The following SLC2A4 variants were observed in gnomAD, a reference collection of about 807,000 sequenced individuals.
SLC2A4 encodes solute carrier family 2 member 4, also known as solute carrier family 2, facilitated glucose transporter member 4.
A neutral mutation model predicts 53.3 loss-of-function variants in SLC2A4; 31 were observed. The observed-to-expected ratio is 0.58, with a 90% CI of 0.44 to 0.78. The LOEUF (loss-of-function observed/expected upper bound fraction) is 0.78, where lower values mean the gene tolerates loss of function less well. Among genes scored for constraint, SLC2A4 ranks in the 30% least tolerant of loss-of-function variants. The probability of loss-of-function intolerance (pLI) is 0.00; values close to 1 mark genes in which losing one functional copy is unlikely to be tolerated. For missense variants in SLC2A4, 538 were observed against 655.7 expected (o/e 0.82, Z 1.96); for synonymous variants, 276 against 281.9 (o/e 0.98, Z 0.21).
intron 10 of SLC2A4, 151 bp from the exon 11 acceptor site, chr17:7,286,275 A>G: frequency 2.6e-6 from 2 of 766,848 alleles, no homozygotes; most frequent in Non-Finnish European, 4.7e-6. Flanking sequence ...GTAAATTCTC[A>G]TTCCTGCTCA....
At position 7,286,650 on chromosome 17, in the gene SLC2A4, G is replaced by A. The variant is rs879234074; in HGVS notation, c.*21G>A. ...ACTGAGGGGCCAGGCAGGGGTGGGA[G>A]AGCCAGCTCTCTCTACCCGGCCCAG... is the stretch of plus-strand genomic sequence containing the variant. On this transcript the variant is annotated 3_prime_UTR_variant, in exon 11 of 11. Transcript: ENST00000317370. 2 of 1,605,952 alleles carry A rather than the reference G, an allele frequency of 1.2e-6. No homozygotes were observed. The highest frequency in any genetic ancestry group is 2.7e-5 in the African/African-American group (2 of 74,790).
At position 7,286,814 on chromosome 17, in the gene SLC2A4, C is replaced by T. The variant is rs2072454494; in HGVS notation, c.*185C>T. 3.2e-6 allele frequency: 2 copies of T among 628,636 alleles called. No homozygotes were observed. Among genetic ancestry groups the T allele is most frequent in the Admixed American group, 5.2e-5 (2 of 38,478 alleles). The allele number at this position is 628,636 out of a possible 1,614,324, so 38.9% of individuals were successfully genotyped here. A position where few individuals can be genotyped will look rare whatever the true frequency, so the allele number is the denominator to read the frequency against. ...GCACCCCCTCATTCCCCTCGTGTGA[C>T]TCTCTTGGATTATTTATGTGTTGTG... is the stretch of plus-strand genomic sequence containing the variant. On this transcript the variant is annotated 3_prime_UTR_variant, in exon 11 of 11. Transcript: ENST00000317370.
At position 7,281,978 on chromosome 17, in the gene SLC2A4, T is replaced by C. The variant is rs2072405882; in HGVS notation, c.33+11T>C. On this transcript the variant is annotated intron_variant, in intron 1 of 10. Transcript: ENST00000317370. ...CAGATAGGCTCCGAAGTAGGATTCA[T>C]CATGAGGGGGCGGGGCGGGGGGGCA... 5.6e-6 allele frequency: 5 copies of C among 900,214 alleles called. No individual in the cohort carries two copies. The highest frequency in any genetic ancestry group is 1.8e-5 in the Admixed American group (1 of 54,552). The allele number at this position is 900,214 out of a possible 1,614,324, so 55.8% of individuals were successfully genotyped here.
At position 7,285,891 on chromosome 17, in the gene SLC2A4, G is replaced by A; in HGVS notation, c.1309G>A (p.Gly437Ser). Reference protein sequence around the residue: ...NWTSNFIIGMGFQYVAEAMGP... With the variant: ...NWTSNFIIGMSFQYVAEAMGP... The stretch of plus-strand genomic sequence containing the variant: ...GACGAGCAACTTCATCATTGGCATG[G>A]GTTTCCAGTATGTTGCGGTAGGTCC... Residue 437 changes from glycine to serine, a missense_variant, in exon 10 of 11, where the codon GGT becomes AGT. Gly to Ser is a moderately conservative substitution (Grantham distance 56). Coordinates refer to ENST00000317370, the MANE Select transcript of SLC2A4 (RefSeq NM_001042.3). The surrounding 1 kb of genome is among the most constrained non-coding windows in gnomAD (Gnocchi z 6.0). 1 of 1,613,716 alleles carries A rather than the reference G, an allele frequency of 6.2e-7. No homozygotes were observed. The highest frequency in any genetic ancestry group is 8.5e-7 in the Non-Finnish European group (1 of 1,179,656).
chr17:7,281,886 G>C lies in SLC2A4; in HGVS notation c.-49G>C. On this transcript the variant is annotated 5_prime_UTR_variant, in exon 1 of 11. Transcript: ENST00000317370. ...GGCCGGAGTCAGAGACTCCAGGATCGGTTCTTTCATCTTCGCCGCCCCTGC... is the reference window on the plus strand; with the variant it reads ...GGCCGGAGTCAGAGACTCCAGGATCCGTTCTTTCATCTTCGCCGCCCCTGC... The C allele has an allele frequency of 1.3e-6, 2 of 1,574,090 alleles. No homozygotes were observed. Among genetic ancestry groups the C allele is most frequent in the South Asian group, 2.3e-5 (2 of 86,296 alleles).
chr17:7,281,815 C>A lies in SLC2A4; in HGVS notation c.-120C>A. 1.9e-6 allele frequency: 2 copies of A among 1,048,164 alleles called. No individual in the cohort carries two copies. Among genetic ancestry groups the A allele is most frequent in the Non-Finnish European group, 2.9e-6 (2 of 689,790 alleles). 64.9% of individuals were successfully genotyped at this position (1,048,164 alleles called of 1,614,324 possible). On this transcript the variant is annotated 5_prime_UTR_variant, in exon 1 of 11. Coordinates refer to ENST00000317370, the MANE Select transcript of SLC2A4 (RefSeq NM_001042.3). ...GTGGGTCCCATCGGGCCCGCCCTCGCACGTCACTCCGGGACCCCCGCGGCC... is the reference window on the plus strand; with the variant it reads ...GTGGGTCCCATCGGGCCCGCCCTCGAACGTCACTCCGGGACCCCCGCGGCC...
In SLC2A4 at chr17:7,283,581, A is replaced by C; in HGVS notation, c.259A>C (p.Ile87Leu). Reference sequence around the variant, plus strand: ...CACCCTCTGGGCCCTCTCCGTGGCCATCTTTTCCGTGGGCGGCATGATTTC... The same window carrying C: ...CACCCTCTGGGCCCTCTCCGTGGCCCTCTTTTCCGTGGGCGGCATGATTTC... ...LTTLWALSVAIFSVGGMISSF... is the reference protein window; with the variant it reads ...LTTLWALSVALFSVGGMISSF... Residue 87 changes from isoleucine to leucine, a missense_variant, in exon 3 of 11, where the codon ATC (isoleucine) becomes CTC (leucine). Transcript: ENST00000317370. This position sits in a 1 kb window ranked among gnomAD's most constrained non-coding sequence, Gnocchi z 5.8. 1 of 1,613,886 alleles carries C rather than the reference A, an allele frequency of 6.2e-7. No homozygotes were observed. Among genetic ancestry groups the C allele is most frequent in the Non-Finnish European group, 8.5e-7 (1 of 1,179,968 alleles).
Position 7,286,015 on chromosome 17 carries a change from T to C in SLC2A4, c.1326+107T>C. The stretch of plus-strand genomic sequence containing the variant: ...GACTCCTCCAGCCACAGACCATGGG[T>C]CTTTGGGTCAGTTTGGTGGACCACC... On this transcript the variant is annotated intron_variant, in intron 10 of 10. Coordinates refer to ENST00000317370, the MANE Select transcript of SLC2A4 (RefSeq NM_001042.3). The C allele has an allele frequency of 2.8e-6, 3 of 1,065,438 alleles. No individual in the cohort carries two copies. In the South Asian group the frequency reaches 4.7e-5, roughly 17 times the overall value. The allele number at this position is 1,065,438 out of a possible 1,614,324, so 66.0% of individuals were successfully genotyped here.
In SLC2A4 at chr17:7,282,279, G is replaced by A. The variant is rs556469372; in HGVS notation, c.33+312G>A. ...GGACACCCTGCCCTCGATCCGACTC[G>A]GGAAAGCAGATCCAGGCGGGTCTTG... On this transcript the variant is annotated intron_variant, in intron 1 of 10. Coordinates refer to ENST00000317370, the MANE Select transcript of SLC2A4 (RefSeq NM_001042.3). This position sits in a 1 kb window ranked among gnomAD's most constrained non-coding sequence, Gnocchi z 4.1. The A allele has an allele frequency of 3.5e-6, 2 of 569,480 alleles. No homozygotes were observed. Among genetic ancestry groups the A allele is most frequent in the Non-Finnish European group, 6.6e-6 (2 of 301,466 alleles). The allele number at this position is 569,480 out of a possible 1,614,324, so 35.3% of individuals were successfully genotyped here. A position where few individuals can be genotyped will look rare whatever the true frequency, so the allele number is the denominator to read the frequency against.
rs901166365 is a variant in SLC2A4, at chr17:7,286,251, A to T, written c.1327-175A>T. 4.1e-6 allele frequency: 3 copies of T among 735,338 alleles called. No homozygotes were observed. The African/African-American group carries it at 5.2e-5, about 13-fold the overall frequency. 45.6% of individuals were successfully genotyped at this position (735,338 alleles called of 1,614,324 possible). On this transcript the variant is annotated intron_variant, in intron 10 of 10. Transcript: ENST00000317370. ...ACTAAGAGTGTTTGGGGTTCAGAGA[A>T]TCCTCTTTTCAGTGTAAATTCTCAT...
rs896364955 is a variant in SLC2A4 at position 7,287,002 on chromosome 17, C to G, written c.*373C>G. On this transcript the variant is annotated 3_prime_UTR_variant, in exon 11 of 11. Coordinates refer to ENST00000317370, the MANE Select transcript of SLC2A4 (RefSeq NM_001042.3). ...GTCTAGACTTTCTCAGTGGGACAAA[C>G]CAGAGCAGAGAGCAGGACAGGAGAC... 1 of 323,740 alleles carries G rather than the reference C, an allele frequency of 3.1e-6. No homozygotes were observed. Among genetic ancestry groups the G allele is most frequent in the Non-Finnish European group, 6.0e-6 (1 of 165,982 alleles). 20.1% of individuals were successfully genotyped at this position (323,740 alleles called of 1,614,324 possible).
chr17:7,286,511 C>T lies in SLC2A4; in HGVS notation c.1412C>T (p.Thr471Ile), dbSNP rs768630770. Residue 471 changes from threonine to isoleucine, a missense_variant, in exon 11 of 11, where the codon ACT becomes ATT. Transcript: ENST00000317370. ...FIFTFLRVPETRGRTFDQISA... is the reference protein window; with the variant it reads ...FIFTFLRVPEIRGRTFDQISA... ...TTCACCTTCTTAAGAGTACCTGAAA[C>T]TCGAGGCCGGACGTTTGACCAGATC... 6.2e-7 allele frequency: 1 copy of T among 1,614,172 alleles called. No homozygotes were observed. Among genetic ancestry groups the T allele is most frequent in the Non-Finnish European group, 8.5e-7 (1 of 1,180,024 alleles).
Position 7,284,190 on chromosome 17 carries a change from G to A in SLC2A4, c.565-27G>A, listed in dbSNP as rs759310001. 1 of 1,611,490 alleles carries A rather than the reference G, an allele frequency of 6.2e-7. No homozygotes were observed. The highest frequency in any genetic ancestry group is 8.5e-7 in the Non-Finnish European group (1 of 1,179,926). On this transcript the variant is annotated intron_variant, in intron 5 of 10. Coordinates refer to ENST00000317370, the MANE Select transcript of SLC2A4 (RefSeq NM_001042.3). This position sits in a 1 kb window ranked among gnomAD's most constrained non-coding sequence, Gnocchi z 7.5. The stretch of plus-strand genomic sequence containing the variant: ...GTAAGGCAGAAGGGCTGAGTGACCT[G>A]CCTTCTTTCCCAACCTTCTCCCACA...
Position 7,286,407 on chromosome 17 carries a change from C to G in SLC2A4, c.1327-19C>G. On this transcript the variant is annotated intron_variant, in intron 10 of 10. Coordinates refer to ENST00000317370, the MANE Select transcript of SLC2A4 (RefSeq NM_001042.3). ...TCCCCACCTCACTCCGTCAACACCT[C>G]TTTCTCCACCTGTCCCAGGAGGCTA... The G allele has an allele frequency of 6.2e-7, 1 of 1,612,350 alleles. No homozygotes were observed. The highest frequency in any genetic ancestry group is 8.5e-7 in the Non-Finnish European group (1 of 1,178,390).
rs1182810418 is a variant in SLC2A4, at chr17:7,283,699, T to C, written c.324-39T>C. On this transcript the variant is annotated intron_variant, in intron 3 of 10. Transcript: ENST00000317370. This position sits in a 1 kb window ranked among gnomAD's most constrained non-coding sequence, Gnocchi z 5.8. The stretch of plus-strand genomic sequence containing the variant: ...AAACAGGAAGGGAGCCACTGCTGGG[T>C]GCCCTCACCCTCACAGCCTCACTCT... The C allele has an allele frequency of 6.2e-7, 1 of 1,613,854 alleles. No homozygotes were observed. The highest frequency in any genetic ancestry group is 1.1e-5 in the South Asian group (1 of 91,080).
Position 7,285,308 on chromosome 17 carries a change from C to T in SLC2A4, c.1122+119C>T, listed in dbSNP as rs879695848. On this transcript the variant is annotated intron_variant, in intron 9 of 10. Coordinates refer to ENST00000317370, the MANE Select transcript of SLC2A4 (RefSeq NM_001042.3). This position sits in a 1 kb window ranked among gnomAD's most constrained non-coding sequence, Gnocchi z 6.0. ...ATGCTTTCAATCCTGGCGCCAGCTCCGGACCAGGACTGGGGCTGACTGGCT... is the reference window on the plus strand; with the variant it reads ...ATGCTTTCAATCCTGGCGCCAGCTCTGGACCAGGACTGGGGCTGACTGGCT... 7.8e-5 allele frequency: 67 copies of T among 863,548 alleles called. No homozygotes were observed. The highest frequency in any genetic ancestry group is 6.6e-4 in the Middle Eastern group (2 of 3,050). The allele number at this position is 863,548 out of a possible 1,614,324, so 53.5% of individuals were successfully genotyped here. A position where few individuals can be genotyped will look rare whatever the true frequency, so the allele number is the denominator to read the frequency against.
Position 7,283,598 on chromosome 17 carries a change from C to T in SLC2A4, c.276C>T (p.Gly92=), listed in dbSNP as rs1489888474. ...CCGTGGCCATCTTTTCCGTGGGCGG[C>T]ATGATTTCCTCCTTCCTCATTGGTA... The part of the protein sequence containing the change: ...ALSVAIFSVG[G]MISSFLIGII... The change falls in exon 3 of 11, where the codon GGC becomes GGT. Residue 92 remains glycine, a synonymous_variant. Coordinates refer to ENST00000317370, the MANE Select transcript of SLC2A4 (RefSeq NM_001042.3). The surrounding 1 kb of genome is among the most constrained non-coding windows in gnomAD (Gnocchi z 5.8). 6.2e-7 allele frequency: 1 copy of T among 1,614,050 alleles called. No individual in the cohort carries two copies. Among genetic ancestry groups the T allele is most frequent in the South Asian group, 1.1e-5 (1 of 91,066 alleles).
rs1041707570 is a variant in SLC2A4 at position 7,283,347 on chromosome 17, A to G, written c.136A>G (p.Asn46Asp). Residue 46 changes from asparagine (N) to aspartate (D), a missense_variant, in exon 2 of 11, where the codon AAT becomes GAT. Asn to Asp is a conservative substitution (Grantham distance 23). Coordinates refer to ENST00000317370, the MANE Select transcript of SLC2A4 (RefSeq NM_001042.3). This position sits in a 1 kb window ranked among gnomAD's most constrained non-coding sequence, Gnocchi z 5.8. ...LQFGYNIGVI[N>D]APQKVIEQSY... ...GTTTGGGTACAACATTGGGGTCATC[A>G]ATGCCCCTCAGAAGGTGAGGGCCTG... 6.2e-7 allele frequency: 1 copy of G among 1,612,766 alleles called. No individual in the cohort carries two copies. Among genetic ancestry groups the G allele is most frequent in the Non-Finnish European group, 8.5e-7 (1 of 1,179,692 alleles).
chr17:7,285,041 C>A lies in SLC2A4; in HGVS notation c.1021-47C>A. On this transcript the variant is annotated intron_variant, in intron 8 of 10. Coordinates refer to ENST00000317370, the MANE Select transcript of SLC2A4 (RefSeq NM_001042.3). The surrounding 1 kb of genome is among the most constrained non-coding windows in gnomAD (Gnocchi z 6.0). Reference sequence around the variant, plus strand: ...GCCCTCACCCACGCGGCCCCTCCTACTTCCCGTGCCCAAAAGGCTGGGGTC... The same window carrying A: ...GCCCTCACCCACGCGGCCCCTCCTAATTCCCGTGCCCAAAAGGCTGGGGTC... 1 of 1,611,364 alleles carries A rather than the reference C, an allele frequency of 6.2e-7. No individual in the cohort carries two copies.
Sources: allele counts gnomAD v4.1 joint callset, GRCh38; gene constraint gnomAD v4.1.1; non-coding constraint Gnocchi (gnomAD v3.1); transcripts MANE v1.5; gene names NCBI Gene and HGNC (gene_info 2026-07-23, HGNC 2026-07-21).